The following ENOX1 variants were observed in gnomAD, a reference collection of about 807,000 sequenced individuals.
The protein encoded by ENOX1 is ecto-NOX disulfide-thiol exchanger 1.
ENOX1 carries 42 observed loss-of-function variants against 82.5 expected under a neutral mutation model. The ratio of observed to expected loss-of-function variants is 0.51; its 90% CI spans 0.40 to 0.66. The LOEUF (loss-of-function observed/expected upper bound fraction) is 0.66, where lower values mean the gene tolerates loss of function less well. ENOX1 is among the 30% of genes least tolerant of loss of function. The pLI is 0.00. For synonymous variants in ENOX1, 271 were observed against 282.2 expected (o/e 0.96, Z 0.40); for missense variants, 608 against 811.6 (o/e 0.75, Z 3.05).
chr13:43,619,717 T>C (rs2082641034), intron 2 of ENOX1, among the ~76,000 whole-genome samples: 2 of 152,154 alleles, frequency 1.3e-5, no homozygotes, highest in South Asian at 4.1e-4. Context: ...GTTTTCTTTT[T>C]TGGCTATATT....
intron 1 of ENOX1, among the ~76,000 whole-genome samples, chr13:43,707,746 AAAAAAAAAAAC>A (rs1040103163): frequency 6.7e-6 from 1 of 149,676 alleles, no homozygotes; most frequent in East Asian, 2.0e-4. Context: ...AAAAAAAAAA[AAAAAAAAAAAC>A]CAAGAACAAA....
At position 43,287,567 on chromosome 13, in the gene ENOX1, T is replaced by C. The variant is rs1372304554; in HGVS notation, c.1446+10779A>G. Reference sequence around the variant, plus strand: ...AGTGAAGCTGAAGTCACATTTTCCTTCTACTAGTTCAGTGTTTTCATTTCA... The same window carrying C: ...AGTGAAGCTGAAGTCACATTTTCCTCCTACTAGTTCAGTGTTTTCATTTCA... On this transcript the variant is annotated intron_variant, in intron 12 of 16. Transcript: ENST00000690772. Among the ~76,000 whole-genome samples the C allele has an allele frequency of 3.9e-5, 6 of 152,324 alleles. No individual in the cohort carries two copies. The East Asian group carries it at 1.2e-3, about 29-fold the overall frequency.
At chr13:43,668,319 A>T (rs1432719817) in intron 1 of ENOX1, among the ~76,000 whole-genome samples, 3 of 152,162 alleles carry the variant, frequency 2.0e-5, no homozygotes, top group Non-Finnish European at 4.4e-5. Context: ...TGCCTTATAC[A>T]TCAGGCCTGT....
intron 1 of ENOX1, among the ~76,000 whole-genome samples, chr13:43,741,480 T>C (rs893948931): frequency 9.2e-5 from 14 of 152,364 alleles, no homozygotes; most frequent in Admixed American, 8.5e-4. Context: ...TATAGCCATC[T>C]AAGCTGGTGT....
intron 1 of ENOX1, among the ~76,000 whole-genome samples, chr13:43,713,865 C>T (rs2087912456): frequency 6.6e-6 from 1 of 151,768 alleles, no homozygotes. Context: ...AAAAAACCAG[C>T]TCCTGGATTC....
intron 1 of ENOX1, among the ~76,000 whole-genome samples, chr13:43,734,867 T>C (rs977091040): frequency 2.6e-5 from 4 of 152,174 alleles, no homozygotes; most frequent in African/African-American, 7.2e-5. Context: ...ATCAGAGAAC[T>C]TGTTGTTAGC....
rs190762156 is a variant in ENOX1, at chr13:43,291,259, C to T, written c.1446+7087G>A. 5.6e-4 allele frequency among the ~76,000 whole-genome samples: 86 copies of T among 152,308 alleles called. 1 individual carries two copies. The highest frequency in any genetic ancestry group is 1.9e-3 in the South Asian group (9 of 4,824). ...ATCCTTCCCATCCCTGTGTCTGGAA[C>T]GGACTCTACTGTTCTGTGTCCTGCA... On this transcript the variant is annotated intron_variant, in intron 12 of 16. Coordinates refer to ENST00000690772, the MANE Select transcript of ENOX1 (RefSeq NM_001347969.2).
Position 43,321,818 on chromosome 13 carries a change from G to A in ENOX1, c.1261+566C>T, listed in dbSNP as rs115630872. On this transcript the variant is annotated intron_variant, in intron 11 of 16. Coordinates refer to ENST00000690772, the MANE Select transcript of ENOX1 (RefSeq NM_001347969.2). ...GATTTATATATAATTCAATGAGAGC[G>A]TTTTAAATCAGCAGCTCCCATTAGA... Among the ~76,000 whole-genome samples the A allele has an allele frequency of 4.3e-3, 655 of 152,308 alleles. 10 individuals carry two copies. The highest frequency in any genetic ancestry group is 0.015 in the African/African-American group (620 of 41,576).
intron 14 of ENOX1, among the ~76,000 whole-genome samples, chr13:43,244,452 G>T (rs1484903620): frequency 1.3e-5 from 2 of 152,098 alleles, no homozygotes; most frequent in Admixed American, 6.5e-5. Context: ...AATAACTGTG[G>T]TTGTATTCAA....
At chr13:43,218,869 T>G (rs1189385890) in intron 16 of ENOX1, among the ~76,000 whole-genome samples, 3 of 152,212 alleles carry the variant, frequency 2.0e-5, no homozygotes, top group Non-Finnish European at 4.4e-5. Context: ...GGCCAAAGAA[T>G]TTTTACTTTA....
At chr13:43,240,748 T>G (rs1479230450) in intron 14 of ENOX1, among the ~76,000 whole-genome samples, 1 of 152,224 alleles carries the variant, frequency 6.6e-6, no homozygotes, top group East Asian at 1.9e-4. Flanking sequence ...GAAGTAGGAT[T>G]AGCCAGGAAG....
chr13:43,750,215 T>C (rs559279456), intron 1 of ENOX1, among the ~76,000 whole-genome samples: 5 of 152,016 alleles, frequency 3.3e-5, no homozygotes, highest in Non-Finnish European at 7.4e-5. Context: ...AGTAGGAAAA[T>C]AAAATTTGGC....
chr13:43,749,375 G>T (rs1950190745), intron 1 of ENOX1, among the ~76,000 whole-genome samples: 1 of 152,224 alleles, frequency 6.6e-6, no homozygotes, highest in Non-Finnish European at 1.5e-5. Flanking sequence ...TCTGTAGTTT[G>T]AAATGCTTAT....
chr13:43,355,538 C>T (rs2153556322), intron 8 of ENOX1, among the ~76,000 whole-genome samples: 1 of 152,320 alleles, frequency 6.6e-6, no homozygotes, highest in South Asian at 2.1e-4. Flanking sequence ...ACCAATGGCA[C>T]AAATAGTTGC....
chr13:43,612,617 A>G (rs2082244666), intron 2 of ENOX1, among the ~76,000 whole-genome samples: 1 of 152,156 alleles, frequency 6.6e-6, no homozygotes, highest in Admixed American at 6.5e-5. Flanking sequence ...AGAATTCCCT[A>G]TAATGTAAAC....
chr13:43,762,162 A>T (rs563962847), intron 1 of ENOX1, among the ~76,000 whole-genome samples: 2 of 152,206 alleles, frequency 1.3e-5, no homozygotes, highest in Non-Finnish European at 2.9e-5. Context: ...AAAGCAGCTC[A>T]GGGGCAATTT....
intron 14 of ENOX1, among the ~76,000 whole-genome samples, chr13:43,247,188 C>T (rs907061193): frequency 6.6e-5 from 10 of 152,154 alleles, no homozygotes; most frequent in East Asian, 1.9e-4. Flanking sequence ...TGGCAGCATG[C>T]GCCTGTAATC....
intron 2 of ENOX1, among the ~76,000 whole-genome samples, chr13:43,594,623 A>G (rs566325038): frequency 1.2e-4 from 18 of 150,382 alleles, no homozygotes; most frequent in Non-Finnish European, 1.9e-4. Flanking sequence ...CTGAATTTTC[A>G]CAACAACCCT....
Position 43,662,920 on chromosome 13 carries a change from A to G in ENOX1, c.-219+4559T>C, listed in dbSNP as rs1174438835. ...TTCAAAGTTCTGGAATTCACAAGGG[A>G]TAAAATCATTCATGAGTAGAGAAAA... is the stretch of plus-strand genomic sequence containing the variant. On this transcript the variant is annotated intron_variant, in intron 2 of 16. Transcript: ENST00000690772. 3.9e-5 allele frequency among the ~76,000 whole-genome samples: 6 copies of G among 152,354 alleles called. No individual in the cohort carries two copies. In the East Asian group the frequency reaches 1.2e-3, roughly 29 times the overall value.
Sources: allele counts gnomAD v4.1 joint callset (sites outside exome capture counted in the v4.1 genomes callset), GRCh38; gene constraint gnomAD v4.1.1; transcripts MANE v1.5; gene names NCBI Gene and HGNC (gene_info 2026-07-23, HGNC 2026-07-21).